The following ROR2 variants were observed in gnomAD, a reference collection of about 807,000 sequenced individuals.
ROR2 encodes ROR family WNT receptor 2, also known as tyrosine-protein kinase transmembrane receptor ROR2.
In ROR2, 33 loss-of-function variants were observed where a neutral mutation model predicts 74.9. That is an observed-to-expected ratio of 0.44 (90% CI 0.33 to 0.59). ROR2 has a LOEUF of 0.59. ROR2 is among the 20% of genes least tolerant of loss of function. The pLI is 0.02. For missense variants in ROR2, 1,216 were observed against 1,313.8 expected, an observed-to-expected ratio of 0.93 and a Z score of 1.15; for synonymous variants, 586 against 558.7, an observed-to-expected ratio of 1.05 and a Z score of -0.69.
In ROR2 at chr9:91,764,559, T is replaced by TACACACAC. The variant is rs11405599; in HGVS notation, c.176-7008_176-7001dup. 7.3e-3 allele frequency among the ~76,000 whole-genome samples: 1,085 copies of TACACACAC among 147,682 alleles called. 7 individuals carry two copies. Among genetic ancestry groups the TACACACAC allele is most frequent in the African/African-American group, 0.021 (855 of 40,386 alleles). On this transcript the variant is annotated intron_variant, in intron 2 of 8. Transcript: ENST00000375708. ...TTAAATGCTATGAGCTATAATCACT[T>TACACACAC]ACACACACACACACACACACACACA...
chr9:91,852,624 AACAC>A (rs59759515), intron 1 of ROR2, among the ~76,000 whole-genome samples: 5,822 of 123,662 alleles, frequency 0.047, 299 homozygotes, highest in African/African-American at 0.18. Flanking sequence ...AAAACACACA[AACAC>A]ACACACACAC....
intron 2 of ROR2, among the ~76,000 whole-genome samples, chr9:91,762,569 T>C (rs183901375): frequency 9.1e-4 from 138 of 152,338 alleles, no homozygotes; most frequent in African/African-American, 3.2e-3. Flanking sequence ...TTGACATTAA[T>C]TTTCCCATAT....
chr9:91,846,701 A>G lies in ROR2; in HGVS notation c.98-70883T>C, dbSNP rs186021411. On this transcript the variant is annotated intron_variant, in intron 1 of 8. Transcript: ENST00000375708. ...AGTTTCGAGTCTTGCCTGTACCCTC[A>G]GCCCCCTGATAAGCACCCTCTGCGG... is the stretch of plus-strand genomic sequence containing the variant. 1.8e-3 allele frequency among the ~76,000 whole-genome samples: 277 copies of G among 152,068 alleles called. 1 individual carries two copies. The Middle Eastern group carries it at 0.031, about 17-fold the overall frequency.
rs1419831859 is a variant in ROR2 at position 91,950,013 on chromosome 9, C to T, written c.-50G>A. ...GCCCTCAGAGCTTCGGGCCGGGGCGCGGGGTCGGGCGCCACCACCCCTTTC... is the reference window on the plus strand; with the variant it reads ...GCCCTCAGAGCTTCGGGCCGGGGCGTGGGGTCGGGCGCCACCACCCCTTTC... On this transcript the variant is annotated 5_prime_UTR_variant, in exon 1 of 9. Transcript: ENST00000375708. 2 of 983,246 alleles carry T rather than the reference C, an allele frequency of 2.0e-6. No individual in the cohort carries two copies. The highest frequency in any genetic ancestry group is 2.7e-6 in the Non-Finnish European group (2 of 728,242). The allele number at this position is 983,246 out of a possible 1,614,324, so 60.9% of individuals were successfully genotyped here. A position where few individuals can be genotyped will look rare whatever the true frequency, so the allele number is the denominator to read the frequency against.
rs150610444 is a variant in ROR2 at position 91,724,758 on chromosome 9, T to C, written c.1736A>G (p.Asp579Gly). 8 of 1,613,792 alleles carry C rather than the reference T, an allele frequency of 5.0e-6. No homozygotes were observed. The highest frequency in any genetic ancestry group is 1.6e-4 in the Middle Eastern group (1 of 6,082). ...SPHSDVGSTD[D>G]DRTVKSALEP... The stretch of plus-strand genomic sequence containing the variant: ...CAGGGCGGACTTCACCGTGCGGTCA[T>C]CATCGGTGCTGCCCACGTCCGAGTG... The change falls in exon 9 of 9, where the codon GAT (aspartate) becomes GGT (glycine). Residue 579 changes from aspartate to glycine, a missense_variant. Asp to Gly is a moderately conservative substitution (Grantham distance 94). Coordinates refer to ENST00000375708, the MANE Select transcript of ROR2 (RefSeq NM_004560.4).
intron 1 of ROR2, among the ~76,000 whole-genome samples, chr9:91,919,440 C>T (rs76330738): frequency 6.6e-6 from 1 of 152,336 alleles, no homozygotes; most frequent in African/African-American, 2.4e-5. Flanking sequence ...GGAGAACCCA[C>T]AAATTCCTCG....
intron 4 of ROR2, among the ~76,000 whole-genome samples, chr9:91,742,407 G>T (rs867976435): frequency 6.6e-6 from 1 of 152,200 alleles, no homozygotes; most frequent in Non-Finnish European, 1.5e-5. Context: ...GTATCACAGG[G>T]CTTTAAAGTA....
chr9:91,747,406 G>A, intron 4 of ROR2, among the ~76,000 whole-genome samples: 1 of 152,370 alleles, frequency 6.6e-6, no homozygotes, highest in East Asian at 1.9e-4. Flanking sequence ...CCAAGGAAGA[G>A]CCACGAGTGG....
intron 4 of ROR2, among the ~76,000 whole-genome samples, chr9:91,745,277 C>T: frequency 6.6e-6 from 1 of 151,708 alleles, no homozygotes. Context: ...AGGCATCTGC[C>T]ACCATACCGG....
intron 1 of ROR2, among the ~76,000 whole-genome samples, chr9:91,820,382 G>C (rs1212403607): frequency 6.6e-6 from 1 of 152,188 alleles, no homozygotes; most frequent in Non-Finnish European, 1.5e-5. Flanking sequence ...ACCAATGGAA[G>C]CAGAATTCAA....
intron 4 of ROR2, among the ~76,000 whole-genome samples, chr9:91,747,380 C>G (rs1250747251): frequency 1.3e-5 from 2 of 152,232 alleles, no homozygotes; most frequent in African/African-American, 4.8e-5. Flanking sequence ...CGCGTGTGGA[C>G]AGGCCAGGGC....
intron 4 of ROR2, among the ~76,000 whole-genome samples, chr9:91,740,557 G>GT (rs1044772144): frequency 3.4e-5 from 5 of 145,848 alleles, no homozygotes; most frequent in African/African-American, 1.4e-4. Context: ...GTTTCGGGCG[G>GT]GGGGGGGAAT....
At chr9:91,819,886 C>G (rs895090751) in intron 1 of ROR2, among the ~76,000 whole-genome samples, 3 of 151,330 alleles carry the variant, frequency 2.0e-5, no homozygotes, top group Non-Finnish European at 4.4e-5. Context: ...GTGTGTGTGT[C>G]TGTTTAGTGT....
intron 1 of ROR2, among the ~76,000 whole-genome samples, chr9:91,834,878 T>C (rs1306659372): frequency 6.6e-6 from 1 of 152,176 alleles, no homozygotes; most frequent in Non-Finnish European, 1.5e-5. Flanking sequence ...TAAAACCCGA[T>C]AGCATGGGCT....
chr9:91,856,194 G>A (rs758014762), intron 1 of ROR2, among the ~76,000 whole-genome samples: 14 of 152,080 alleles, frequency 9.2e-5, no homozygotes, highest in Admixed American at 3.3e-4. Context: ...CTGTCTCCAC[G>A]AACAAAGTAA....
intron 4 of ROR2, among the ~76,000 whole-genome samples, chr9:91,737,962 G>A (rs533568975): frequency 6.6e-6 from 1 of 152,284 alleles, no homozygotes; most frequent in South Asian, 2.1e-4. Context: ...ATAGAGACTG[G>A]TTATAGAGAA....
chr9:91,745,503 A>C (rs1233370802), intron 4 of ROR2, among the ~76,000 whole-genome samples: 2 of 135,068 alleles, frequency 1.5e-5, no homozygotes, highest in Non-Finnish European at 3.0e-5. Flanking sequence ...CTCTCAGCTC[A>C]CTGCAACCTC....
intron 1 of ROR2, among the ~76,000 whole-genome samples, chr9:91,892,126 C>G (rs1306748998): frequency 2.0e-5 from 3 of 151,814 alleles, no homozygotes; most frequent in Non-Finnish European, 4.4e-5. Flanking sequence ...ACTTCCTGTC[C>G]CAACCTCTAG....
At chr9:91,880,306 A>C (rs1830073052) in intron 1 of ROR2, among the ~76,000 whole-genome samples, 1 of 152,230 alleles carries the variant, frequency 6.6e-6, no homozygotes, top group Non-Finnish European at 1.5e-5. Flanking sequence ...CTCCAGAACT[A>C]GGATGAAATA....
Sources: gnomAD v4.1 joint callset for allele counts (sites outside exome capture counted in the v4.1 genomes callset) on GRCh38, gnomAD v4.1.1 for gene constraint, MANE v1.5 for transcripts, NCBI Gene and HGNC (gene_info 2026-07-23, HGNC 2026-07-21) for gene names.